GNA14: variants seen among roughly 807,000 people sequenced by gnomAD.
The protein encoded by GNA14 is guanine nucleotide-binding protein subunit alpha-14.
Under a neutral mutation model 42.0 loss-of-function variants are expected in GNA14, and 50 were observed. The ratio of observed to expected loss-of-function variants is 1.19; its 90% CI spans 0.95 to 1.51. The LOEUF (loss-of-function observed/expected upper bound fraction) is 1.51, where lower values mean the gene tolerates loss of function less well. Ranked by LOEUF, GNA14 falls within the 40% of genes most tolerant of loss-of-function variation. The pLI is 0.00. For missense variants in GNA14, 473 were observed against 446.2 expected, an observed-to-expected ratio of 1.06 and a Z score of -0.54; for synonymous variants, 173 against 163.1, an observed-to-expected ratio of 1.06 and a Z score of -0.46.
chr9:77,559,908 C>T (rs1036064071), intron 1 of GNA14, among the ~76,000 whole-genome samples: 12 of 152,102 alleles, frequency 7.9e-5, no homozygotes, highest in Admixed American at 1.3e-4. Flanking sequence ...TTCAACCAGG[C>T]GGTGGTGAGT....
At chr9:77,574,262 AC>A in intron 1 of GNA14, among the ~76,000 whole-genome samples, 1 of 152,232 alleles carries the variant, frequency 6.6e-6, no homozygotes, top group Non-Finnish European at 1.5e-5. Flanking sequence ...ATCAAGCTGC[AC>A]CTTGACGGTA....
At chr9:77,484,341 A>C (rs529301510) in intron 2 of GNA14, among the ~76,000 whole-genome samples, 67 of 152,366 alleles carry the variant, frequency 4.4e-4, no homozygotes, top group Admixed American at 1.7e-3. Context: ...CACATAAAAC[A>C]ACCTTCTTGG....
At chr9:77,444,172 T>C (rs1835778373) in intron 2 of GNA14, among the ~76,000 whole-genome samples, 2 of 152,176 alleles carry the variant, frequency 1.3e-5, no homozygotes, top group East Asian at 1.9e-4. Context: ...TGTTTGGTTC[T>C]GGGTTAGGGC....
At chr9:77,594,137 A>G (rs906372531) in intron 1 of GNA14, among the ~76,000 whole-genome samples, 1 of 152,228 alleles carries the variant, frequency 6.6e-6, no homozygotes, top group Non-Finnish European at 1.5e-5. Flanking sequence ...GAATAAATTG[A>G]AAACAGTTAC....
At chr9:77,589,488 C>T (rs890977627) in intron 1 of GNA14, among the ~76,000 whole-genome samples, 17 of 152,024 alleles carry the variant, frequency 1.1e-4, no homozygotes, top group Non-Finnish European at 2.1e-4. Flanking sequence ...CCTTAGGGTT[C>T]AGATATCACT....
intron 1 of GNA14, among the ~76,000 whole-genome samples, chr9:77,606,104 A>C (rs1346509358): frequency 6.6e-6 from 1 of 152,220 alleles, no homozygotes; most frequent in East Asian, 1.9e-4. Flanking sequence ...AATGAAACAG[A>C]AACATTTTAA....
intron 1 of GNA14, among the ~76,000 whole-genome samples, chr9:77,581,823 T>C (rs1340469458): frequency 6.6e-6 from 1 of 152,174 alleles, no homozygotes; most frequent in African/African-American, 2.4e-5. Context: ...ACTTCATCTG[T>C]TGGTGGCTCT....
intron 2 of GNA14, among the ~76,000 whole-genome samples, chr9:77,507,594 C>A (rs1837092481): frequency 6.6e-6 from 1 of 152,172 alleles, no homozygotes; most frequent in African/African-American, 2.4e-5. Flanking sequence ...TTGAGTCTAA[C>A]CTTGTATGCT....
intron 2 of GNA14, among the ~76,000 whole-genome samples, chr9:77,494,626 A>C (rs1836841349): frequency 6.6e-6 from 1 of 152,212 alleles, no homozygotes; most frequent in African/African-American, 2.4e-5. Flanking sequence ...GTTAAATCCC[A>C]CATGAGGAAT....
At chr9:77,626,061 GA>G (rs57888509) in intron 1 of GNA14, among the ~76,000 whole-genome samples, 322 of 141,044 alleles carry the variant, frequency 2.3e-3, no homozygotes, top group African/African-American at 5.3e-3. Flanking sequence ...CAAATGGAAA[GA>G]AAAAAAAAAA....
At chr9:77,568,066 C>A (rs1822998459) in intron 1 of GNA14, among the ~76,000 whole-genome samples, 2 of 152,122 alleles carry the variant, frequency 1.3e-5, no homozygotes. Context: ...GGTAAGCTCC[C>A]TGAGACAGAG....
At chr9:77,554,582 A>T (rs1822734238) in intron 1 of GNA14, among the ~76,000 whole-genome samples, 1 of 152,198 alleles carries the variant, frequency 6.6e-6, no homozygotes, top group Admixed American at 6.5e-5. Flanking sequence ...ACTTTATATA[A>T]ATTTAAAAAT....
At chr9:77,569,177 G>A (rs990853612) in intron 1 of GNA14, among the ~76,000 whole-genome samples, 1 of 151,342 alleles carries the variant, frequency 6.6e-6, no homozygotes, top group Non-Finnish European at 1.5e-5. Flanking sequence ...AATGGGGTTG[G>A]GAAAAAAAGG....
At chr9:77,534,182 G>A (rs1200554239) in intron 1 of GNA14, among the ~76,000 whole-genome samples, 7 of 152,150 alleles carry the variant, frequency 4.6e-5, no homozygotes, top group African/African-American at 1.7e-4. Flanking sequence ...CCAGTGATCT[G>A]GGAACCACAT....
intron 1 of GNA14, among the ~76,000 whole-genome samples, chr9:77,613,350 G>A (rs1823761551): frequency 6.6e-6 from 1 of 152,166 alleles, no homozygotes; most frequent in African/African-American, 2.4e-5. Context: ...TCAAACTCTT[G>A]GAAGCAGAGA....
chr9:77,530,446 C>T (rs1338125389), intron 1 of GNA14, among the ~76,000 whole-genome samples: 3 of 152,194 alleles, frequency 2.0e-5, no homozygotes, highest in Non-Finnish European at 2.9e-5. Context: ...CTTGTGGAAA[C>T]GTGAGCCAAT....
rs113233010 is a variant in GNA14 at position 77,428,076 on chromosome 9, T to C, written c.723+831A>G. 4.3e-3 allele frequency among the ~76,000 whole-genome samples: 622 copies of C among 146,198 alleles called. 4 individuals are homozygous for C. Among genetic ancestry groups the C allele is most frequent in the African/African-American group, 0.015 (564 of 38,890 alleles). On this transcript the variant is annotated intron_variant, in intron 5 of 6. Transcript: ENST00000341700. Reference sequence around the variant, plus strand: ...TCCAAGAGATGGCATTTTTTCTTTTTTTTTTTCTTTTTTTTTTTTTGAGAT... The same window carrying C: ...TCCAAGAGATGGCATTTTTTCTTTTCTTTTTTCTTTTTTTTTTTTTGAGAT...
At chr9:77,502,908 G>A (rs139842390) in intron 2 of GNA14, among the ~76,000 whole-genome samples, 207 of 152,202 alleles carry the variant, frequency 1.4e-3, no homozygotes, top group Middle Eastern at 3.4e-3. Flanking sequence ...TTGGTGCTTC[G>A]GTCTCAGGGA....
Position 77,537,095 on chromosome 9 carries a change from T to C in GNA14, c.125-7842A>G, listed in dbSNP as rs548072870. ...TGTGTCAGTAACATTTCAAGTCCTC[T>C]CTTCTAGCTACTTTGAGTATACAAT... is the stretch of plus-strand genomic sequence containing the variant. On this transcript the variant is annotated intron_variant, in intron 1 of 6. Coordinates refer to ENST00000341700, the MANE Select transcript of GNA14 (RefSeq NM_004297.4). Among the ~76,000 whole-genome samples, 9 of 152,266 alleles carry C rather than the reference T, an allele frequency of 5.9e-5. No homozygotes were observed. The East Asian group carries it at 1.7e-3, about 29-fold the overall frequency.
Sources: gnomAD v4.1 joint callset for allele counts (sites outside exome capture counted in the v4.1 genomes callset) on GRCh38, gnomAD v4.1.1 for gene constraint, MANE v1.5 for transcripts, NCBI Gene and HGNC (gene_info 2026-07-23, HGNC 2026-07-21) for gene names.